DLG2: variants seen among roughly 807,000 people sequenced by gnomAD.
DLG2 encodes the protein disks large homolog 2.
DLG2 carries 45 observed loss-of-function variants against 132.5 expected under a neutral mutation model. The ratio of observed to expected loss-of-function variants is 0.34; its 90% CI spans 0.27 to 0.44. The LOEUF (loss-of-function observed/expected upper bound fraction) is 0.44. Among genes scored for constraint, DLG2 ranks in the 20% least tolerant of loss-of-function variants. The probability of loss-of-function intolerance (pLI) is 1.00; values close to 1 mark genes in which losing one functional copy is unlikely to be tolerated. For missense variants in DLG2, 1,045 were observed against 1,196.9 expected (o/e 0.87, Z 1.87); for synonymous variants, 424 against 419.6 (o/e 1.01, Z -0.13).
intron 5 of DLG2, chr11:85,132,890 A>G: frequency 2.2e-6 from 1 of 456,312 alleles, no homozygotes. Flanking sequence ...CACAGAAAGA[A>G]GCAGAGCTTG....
chr11:83,856,682 T>G (rs2060582565), intron 16 of DLG2, among the ~76,000 whole-genome samples: 2 of 152,214 alleles, frequency 1.3e-5, no homozygotes, highest in Non-Finnish European at 2.9e-5. Flanking sequence ...TGGGGTTGTT[T>G]GTCTTTTTCT....
intron 15 of DLG2, among the ~76,000 whole-genome samples, chr11:83,887,575 G>C (rs2068304483): frequency 1.3e-5 from 2 of 151,968 alleles, no homozygotes; most frequent in Non-Finnish European, 2.9e-5. Context: ...TAGAAAAAGA[G>C]GGAATCCTCC....
chr11:83,865,908 G>T (rs562495209), intron 16 of DLG2, among the ~76,000 whole-genome samples: 2 of 152,200 alleles, frequency 1.3e-5, no homozygotes, highest in African/African-American at 4.8e-5. Flanking sequence ...GCTCTGCTCA[G>T]TCATACACTC....
intron 6 of DLG2, among the ~76,000 whole-genome samples, chr11:84,771,447 A>G (rs1322627011): frequency 6.6e-6 from 1 of 152,086 alleles, no homozygotes; most frequent in Non-Finnish European, 1.5e-5. Flanking sequence ...TCTTTTGCTC[A>G]CTTTTAATGG....
At chr11:84,690,575 G>T (rs1360512072) in intron 6 of DLG2, among the ~76,000 whole-genome samples, 1 of 151,762 alleles carries the variant, frequency 6.6e-6, no homozygotes, top group Non-Finnish European at 1.5e-5. Context: ...TTAAAGAAAA[G>T]AATTTTCCCC....
At chr11:83,509,893 C>T (rs960054492) in intron 21 of DLG2, among the ~76,000 whole-genome samples, 16 of 152,004 alleles carry the variant, frequency 1.1e-4, no homozygotes, top group Non-Finnish European at 1.5e-4. Flanking sequence ...TTCTTGAGCG[C>T]GTAGTATGGA....
intron 6 of DLG2, among the ~76,000 whole-genome samples, chr11:84,778,084 C>G (rs938241099): frequency 6.6e-6 from 1 of 151,974 alleles, no homozygotes; most frequent in Non-Finnish European, 1.5e-5. Flanking sequence ...TTTATAGTTT[C>G]AGGTCTTATG....
intron 6 of DLG2, among the ~76,000 whole-genome samples, chr11:84,832,753 CTGATAGAAATTTCT>C (rs1301918886): frequency 1.3e-5 from 2 of 151,568 alleles, no homozygotes; most frequent in Admixed American, 1.3e-4. Context: ...AAATATTCTG[CTGATAGAAATTTCT>C]TAAGCTTACA....
chr11:84,129,614 G>A (rs554028679), intron 9 of DLG2, among the ~76,000 whole-genome samples: 2 of 152,116 alleles, frequency 1.3e-5, no homozygotes, highest in East Asian at 3.9e-4. Flanking sequence ...GTATATAGTT[G>A]CTTTTTTTGA....
chr11:83,874,160 AAGAT>A (rs1292049606), intron 16 of DLG2, among the ~76,000 whole-genome samples: 16 of 78,620 alleles, frequency 2.0e-4, no homozygotes, highest in African/African-American at 7.4e-4. Flanking sequence ...GAAAGAAAGA[AAGAT>A]AGAAAGAGAA....
chr11:84,070,024 G>A (rs2096733229), intron 10 of DLG2, among the ~76,000 whole-genome samples: 1 of 152,170 alleles, frequency 6.6e-6, no homozygotes, highest in Non-Finnish European at 1.5e-5. Context: ...CCTGATGCCA[G>A]GCTAATTAGC....
At position 85,045,036 on chromosome 11, in the gene DLG2, G is replaced by A. The variant is rs892331254; in HGVS notation, c.357+66625C>T. On this transcript the variant is annotated intron_variant, in intron 6 of 27. Transcript: ENST00000376104. ...AATAGGAAAGTAGGATGAATTATTTGACTGTCATTTTTGGCAAAATATAAA... is the reference window on the plus strand; with the variant it reads ...AATAGGAAAGTAGGATGAATTATTTAACTGTCATTTTTGGCAAAATATAAA... 3.3e-5 allele frequency among the ~76,000 whole-genome samples: 5 copies of A among 151,964 alleles called. No individual in the cohort carries two copies. In the South Asian group the frequency reaches 1.0e-3, roughly 32 times the overall value.
At chr11:84,623,031 TA>T (rs1288789855) in intron 6 of DLG2, among the ~76,000 whole-genome samples, 1 of 152,180 alleles carries the variant, frequency 6.6e-6, no homozygotes, top group African/African-American at 2.4e-5. Flanking sequence ...TCTAGCCTCT[TA>T]ACTTTGCATT....
intron 15 of DLG2, among the ~76,000 whole-genome samples, chr11:83,900,883 A>T (rs186233018): frequency 1.2e-3 from 187 of 152,278 alleles, no homozygotes; most frequent in African/African-American, 4.2e-3. Flanking sequence ...AAAATGGCAG[A>T]CACTCAAGCC....
At chr11:85,185,994 A>G (rs1194517125) in intron 4 of DLG2, among the ~76,000 whole-genome samples, 2 of 152,026 alleles carry the variant, frequency 1.3e-5, no homozygotes, top group Non-Finnish European at 2.9e-5. Context: ...TCAACAAAAT[A>G]CCAAAGCTCA....
chr11:84,554,268 TA>T (rs2099407500), intron 6 of DLG2, among the ~76,000 whole-genome samples: 1 of 152,192 alleles, frequency 6.6e-6, no homozygotes, highest in African/African-American at 2.4e-5. Context: ...GGGCAGTTTT[TA>T]ACCCTAAAAA....
At chr11:84,101,781 A>G (rs753443357) in intron 9 of DLG2, among the ~76,000 whole-genome samples, 1 of 152,092 alleles carries the variant, frequency 6.6e-6, no homozygotes, top group Non-Finnish European at 1.5e-5. Flanking sequence ...AGGGATAATA[A>G]TGTCTTGATT....
rs148124033 is a variant in DLG2, at chr11:84,613,348, G to A, written c.358-78617C>T. Among the ~76,000 whole-genome samples, 4 of 152,130 alleles carry A rather than the reference G, an allele frequency of 2.6e-5. No homozygotes were observed. In the East Asian group the frequency reaches 7.7e-4, roughly 29 times the overall value. ...TCATCAAGGAGACACTCCATTAATG[G>A]CAAGTTCCCACAAAAATTTCAGACT... On this transcript the variant is annotated intron_variant, in intron 6 of 27. Transcript: ENST00000376104.
At chr11:84,848,895 C>T (rs555670617) in intron 6 of DLG2, among the ~76,000 whole-genome samples, 1 of 152,198 alleles carries the variant, frequency 6.6e-6, no homozygotes, top group Non-Finnish European at 1.5e-5. Flanking sequence ...TTTTTCCACA[C>T]TGACTCAGGA....
Sources: gnomAD v4.1 joint callset for allele counts (sites outside exome capture counted in the v4.1 genomes callset) on GRCh38, gnomAD v4.1.1 for gene constraint, MANE v1.5 for transcripts, NCBI Gene and HGNC (gene_info 2026-07-23, HGNC 2026-07-21) for gene names.